The following TSPAN13 variants were observed in gnomAD, a reference collection of about 807,000 sequenced individuals.
TSPAN13 encodes the protein tetraspanin 13, also known as tetraspanin-13.
Under a neutral mutation model 26.9 loss-of-function variants are expected in TSPAN13, and 18 were observed. The observed-to-expected ratio is 0.67, with a 90% CI of 0.46 to 0.99. The LOEUF is 0.99. Among genes scored for constraint, TSPAN13 ranks in the 50% least tolerant of loss-of-function variants. The pLI is 0.00. For missense variants in TSPAN13, 201 were observed against 249.6 expected (o/e 0.81, Z 1.31); for synonymous variants, 116 against 98.4 (o/e 1.18, Z -1.06).
chr7:16,777,268 T>C (rs1368634040), intron 3 of TSPAN13, 146 bp downstream of exon 3: 1 of 605,076 alleles, frequency 1.7e-6, no homozygotes, highest in African/African-American at 1.8e-5. Context: ...TTGTTCCCTT[T>C]GCATTAGTGC....
chr7:16,780,979 A>G (rs1044306138), intron 5 of TSPAN13, among the ~76,000 whole-genome samples: 1 of 152,206 alleles, frequency 6.6e-6, no homozygotes, highest in Non-Finnish European at 1.5e-5. Flanking sequence ...ATTTTGCTCA[A>G]TATTCACAGA....
intron 4 of TSPAN13, 42 bp downstream of exon 4, chr7:16,777,953 A>G: frequency 7.1e-7 from 1 of 1,408,216 alleles, no homozygotes; most frequent in Non-Finnish European, 9.9e-7. Flanking sequence ...AATGTATTAC[A>G]GATAAATAAT....
At position 16,753,961 on chromosome 7, in the gene TSPAN13, T is replaced by C; in HGVS notation, c.-7T>C. 6.2e-7 allele frequency: 1 copy of C among 1,612,220 alleles called. No homozygotes were observed. Among genetic ancestry groups the C allele is most frequent in the Non-Finnish European group, 8.5e-7 (1 of 1,179,224 alleles). ...ACGTGCAGCTGCCGGCAACCACAGG[T>C]TCCAAGATGGTTTGCGGGGGCTTCG... is the stretch of plus-strand genomic sequence containing the variant. On this transcript the variant is annotated 5_prime_UTR_variant, in exon 1 of 6. Transcript: ENST00000262067.
chr7:16,765,626 T>A (rs1784596454), intron 1 of TSPAN13, among the ~76,000 whole-genome samples: 1 of 152,230 alleles, frequency 6.6e-6, no homozygotes, highest in Admixed American at 6.5e-5. Flanking sequence ...TTTAAAACTC[T>A]TTTTATATGA....
chr7:16,768,785 C>A (rs913344030), intron 1 of TSPAN13, among the ~76,000 whole-genome samples: 1 of 152,282 alleles, frequency 6.6e-6, no homozygotes, highest in Non-Finnish European at 1.5e-5. Flanking sequence ...AGAATTTTGC[C>A]TCTCTCAAAG....
intron 1 of TSPAN13, among the ~76,000 whole-genome samples, chr7:16,769,493 C>T (rs1228056161): frequency 6.6e-6 from 1 of 152,030 alleles, no homozygotes; most frequent in Non-Finnish European, 1.5e-5. Context: ...TCATGAAGAT[C>T]TTGGACTACT....
intron 1 of TSPAN13, among the ~76,000 whole-genome samples, chr7:16,770,100 ACT>A (rs965176710): frequency 6.7e-6 from 1 of 149,688 alleles, no homozygotes; most frequent in African/African-American, 2.5e-5. Flanking sequence ...GTTTTATGTG[ACT>A]CTTTTTTAAG....
chr7:16,753,763 G>A lies in TSPAN13; in HGVS notation c.-205G>A, dbSNP rs1033580756. 3.5e-5 allele frequency: 16 copies of A among 453,950 alleles called. No individual in the cohort carries two copies. The highest frequency in any genetic ancestry group is 3.2e-4 in the Admixed American group (7 of 22,040). The allele number at this position is 453,950 out of a possible 1,614,324, so 28.1% of individuals were successfully genotyped here. Reference sequence around the variant, plus strand: ...GGGCTCGGGCTCCTGCTCCGGCTCAGCTGCGGCGGCCGCAGGTTCCAAAGC... The same window carrying A: ...GGGCTCGGGCTCCTGCTCCGGCTCAACTGCGGCGGCCGCAGGTTCCAAAGC... On this transcript the variant is annotated 5_prime_UTR_variant, in exon 1 of 6. Coordinates refer to ENST00000262067, the MANE Select transcript of TSPAN13 (RefSeq NM_014399.4).
intron 5 of TSPAN13, among the ~76,000 whole-genome samples, chr7:16,782,833 CCA>C (rs1784828102): frequency 6.6e-6 from 1 of 152,100 alleles, no homozygotes; most frequent in African/African-American, 2.4e-5. Context: ...TAACAGGTTA[CCA>C]CACACATAGT....
chr7:16,776,355 C>T lies in TSPAN13; in HGVS notation c.208C>T (p.His70Tyr). The T allele has an allele frequency of 6.2e-7, 1 of 1,613,614 alleles. No individual in the cohort carries two copies. Among genetic ancestry groups the T allele is most frequent in the Non-Finnish European group, 8.5e-7 (1 of 1,179,804 alleles). The change falls in exon 2 of 6, where the codon CAT (histidine) becomes TAT (tyrosine). Residue 70 changes from histidine (H) to tyrosine (Y), a missense_variant. Physicochemically the swap from His to Tyr is moderately conservative, Grantham distance 83. Coordinates refer to ENST00000262067, the MANE Select transcript of TSPAN13 (RefSeq NM_014399.4). Reference sequence around the variant, plus strand: ...AGTGGGTCTGATTGGAGCTGTAAAACATCATCAGGTGTTGCTATTTTTTGT... The same window carrying T: ...AGTGGGTCTGATTGGAGCTGTAAAATATCATCAGGTGTTGCTATTTTTTGT... The part of the protein sequence containing the change: ...ALVGLIGAVK[H>Y]HQVLLFFYMI...
Position 16,777,104 on chromosome 7 carries a change from C to A in TSPAN13, c.294C>A (p.Ala98=). The A allele has an allele frequency of 1.9e-6, 3 of 1,612,964 alleles. No homozygotes were observed. The highest frequency in any genetic ancestry group is 2.5e-6 in the Non-Finnish European group (3 of 1,179,380). ...TTTCTGTATCTTGCGCTTGTTTAGC[C>A]CTGAACCAGGAGCAACAGGTAAGCT... ...VQFSVSCACL[A]LNQEQQGQLL... Residue 98 remains alanine, a synonymous_variant, in exon 3 of 6, where the codon GCC becomes GCA. Coordinates refer to ENST00000262067, the MANE Select transcript of TSPAN13 (RefSeq NM_014399.4).
intron 5 of TSPAN13, among the ~76,000 whole-genome samples, chr7:16,780,171 C>T (rs974522290): frequency 2.0e-5 from 3 of 152,040 alleles, no homozygotes; most frequent in Admixed American, 6.6e-5. Context: ...GCAATCTCGG[C>T]TTACTGCAAG....
At chr7:16,769,223 A>G (rs1333925643) in intron 1 of TSPAN13, among the ~76,000 whole-genome samples, 1 of 152,228 alleles carries the variant, frequency 6.6e-6, no homozygotes, top group African/African-American at 2.4e-5. Context: ...AAAGAAATAT[A>G]TCCAAAATAT....
intron 1 of TSPAN13, among the ~76,000 whole-genome samples, chr7:16,761,486 T>C (rs555124653): frequency 6.6e-6 from 1 of 152,274 alleles, no homozygotes; most frequent in East Asian, 1.9e-4. Flanking sequence ...TCATTATGAA[T>C]GTTGAGGCAT....
chr7:16,762,143 T>C (rs1784548610), intron 1 of TSPAN13, among the ~76,000 whole-genome samples: 1 of 152,194 alleles, frequency 6.6e-6, no homozygotes, highest in Non-Finnish European at 1.5e-5. Context: ...GTGGTGGATA[T>C]TTGATGAAAG....
intron 1 of TSPAN13, chr7:16,775,637 C>A (rs1413222755): frequency 6.6e-6 from 1 of 152,238 alleles, no homozygotes; most frequent in Admixed American, 6.5e-5. Context: ...TGGGTCCTTA[C>A]TCTCAAGTTG....
At chr7:16,754,819 C>T (rs2115317975) in intron 1 of TSPAN13, among the ~76,000 whole-genome samples, 1 of 152,212 alleles carries the variant, frequency 6.6e-6, no homozygotes, top group South Asian at 2.1e-4. Context: ...TCTGGGTGAA[C>T]AGGAGGATGG....
chr7:16,772,736 C>A (rs892716572), intron 1 of TSPAN13, among the ~76,000 whole-genome samples: 2 of 152,146 alleles, frequency 1.3e-5, no homozygotes, highest in African/African-American at 4.8e-5. Context: ...TGGCTCATGC[C>A]TGTAATCCCA....
chr7:16,769,035 A>T (rs541280373), intron 1 of TSPAN13, among the ~76,000 whole-genome samples: 2 of 152,220 alleles, frequency 1.3e-5, no homozygotes, highest in Admixed American at 1.3e-4. Context: ...TATGTTGGCC[A>T]GGCTGGTCTC....
Sources: allele counts gnomAD v4.1 joint callset (sites outside exome capture counted in the v4.1 genomes callset), GRCh38; gene constraint gnomAD v4.1.1; transcripts MANE v1.5; gene names NCBI Gene and HGNC (gene_info 2026-07-23, HGNC 2026-07-21).